NOL4: variants seen among roughly 807,000 people sequenced by gnomAD.
NOL4 encodes nucleolar protein 4, also known as cancer/testis antigen 125.
NOL4 carries 17 observed loss-of-function variants against 75.9 expected under a neutral mutation model. The ratio of observed to expected loss-of-function variants is 0.22; its 90% CI spans 0.15 to 0.34. NOL4 has a LOEUF of 0.34. Ranked by LOEUF, NOL4 falls within the 10% of genes least tolerant of loss-of-function variation. The probability of loss-of-function intolerance (pLI) is 1.00; values close to 1 mark genes in which losing one functional copy is unlikely to be tolerated. For synonymous variants in NOL4, 292 were observed against 289.9 expected (o/e 1.01, Z -0.07); for missense variants, 614 against 793.5 (o/e 0.77, Z 2.72).
At chr18:33,999,894 C>A (rs2073572602) in intron 6 of NOL4, among the ~76,000 whole-genome samples, 1 of 152,002 alleles carries the variant, frequency 6.6e-6, no homozygotes, top group Non-Finnish European at 1.5e-5. Flanking sequence ...CCTCGTAATC[C>A]ACCTGCCTCG....
At chr18:34,183,426 A>G (rs1047521302) in intron 1 of NOL4, 4 of 151,932 alleles carry the variant, frequency 2.6e-5, no homozygotes, top group African/African-American at 9.7e-5. Context: ...GACACACTAT[A>G]CGTTGCTAGT....
chr18:34,076,219 T>C (rs1397224963), intron 5 of NOL4, among the ~76,000 whole-genome samples: 1 of 152,152 alleles, frequency 6.6e-6, no homozygotes, highest in African/African-American at 2.4e-5. Context: ...AGCTTCCCAC[T>C]AGCAAAGTTG....
chr18:34,113,905 T>A (rs961486467), intron 2 of NOL4, among the ~76,000 whole-genome samples: 1 of 152,180 alleles, frequency 6.6e-6, no homozygotes, highest in Non-Finnish European at 1.5e-5. Flanking sequence ...TTTGAAATGT[T>A]AAATCAATTT....
At chr18:34,138,212 G>A (rs970996452) in intron 1 of NOL4, among the ~76,000 whole-genome samples, 1 of 152,038 alleles carries the variant, frequency 6.6e-6, no homozygotes, top group African/African-American at 2.4e-5. Flanking sequence ...AAGAGTTTTA[G>A]ACATAGTGAG....
chr18:34,047,435 C>T (rs757267090), intron 5 of NOL4, among the ~76,000 whole-genome samples: 22 of 152,034 alleles, frequency 1.4e-4, no homozygotes, highest in South Asian at 2.1e-4. Flanking sequence ...TCATGTATCA[C>T]GGATGTAGCC....
At chr18:34,094,882 G>A (rs965061857) in intron 4 of NOL4, among the ~76,000 whole-genome samples, 2 of 152,078 alleles carry the variant, frequency 1.3e-5, no homozygotes, top group African/African-American at 4.8e-5. Flanking sequence ...TACTAGAACC[G>A]GTAGTCATAT....
At chr18:33,934,716 A>G (rs1451878834) in intron 9 of NOL4, among the ~76,000 whole-genome samples, 2 of 152,128 alleles carry the variant, frequency 1.3e-5, no homozygotes, top group Non-Finnish European at 2.9e-5. Flanking sequence ...ATAGAATTGA[A>G]GAGAGTTAGG....
At chr18:34,004,367 C>T (rs1001077171) in intron 6 of NOL4, among the ~76,000 whole-genome samples, 5 of 152,060 alleles carry the variant, frequency 3.3e-5, no homozygotes, top group African/African-American at 1.2e-4. Flanking sequence ...AAATAAATCT[C>T]TTCAAATATT....
At chr18:33,969,660 T>C (rs2070884719) in intron 6 of NOL4, among the ~76,000 whole-genome samples, 1 of 152,054 alleles carries the variant, frequency 6.6e-6, no homozygotes. Flanking sequence ...TACCATTTTG[T>C]ATATGCTTTC....
intron 5 of NOL4, among the ~76,000 whole-genome samples, chr18:34,052,489 CAT>C (rs1359379732): frequency 3.9e-5 from 6 of 151,956 alleles, no homozygotes; most frequent in African/African-American, 1.4e-4. Context: ...TAAACACAAA[CAT>C]AGAGGAAAAC....
intron 1 of NOL4, among the ~76,000 whole-genome samples, chr18:34,133,516 T>C (rs906011056): frequency 6.6e-6 from 1 of 151,918 alleles, no homozygotes. Flanking sequence ...AAAGACAGTA[T>C]AATTGCATAT....
At chr18:33,984,505 T>C (rs1169006082) in intron 6 of NOL4, among the ~76,000 whole-genome samples, 1 of 152,064 alleles carries the variant, frequency 6.6e-6, no homozygotes, top group East Asian at 1.9e-4. Flanking sequence ...TGGTTTCTCA[T>C]GGTTTAACAC....
chr18:34,066,067 G>C (rs1001730020), intron 5 of NOL4, among the ~76,000 whole-genome samples: 1 of 151,836 alleles, frequency 6.6e-6, no homozygotes, highest in Non-Finnish European at 1.5e-5. Flanking sequence ...AGGTTCACAG[G>C]ATTGATTTGA....
chr18:33,959,611 A>T (rs1203407183), intron 6 of NOL4, among the ~76,000 whole-genome samples: 1 of 152,088 alleles, frequency 6.6e-6, no homozygotes, highest in Admixed American at 6.6e-5. Flanking sequence ...TTCTCTATTT[A>T]TTTCTGTTTC....
intron 9 of NOL4, among the ~76,000 whole-genome samples, chr18:33,942,179 GAACT>G (rs1211986707): frequency 6.6e-6 from 1 of 151,876 alleles, no homozygotes; most frequent in Non-Finnish European, 1.5e-5. Flanking sequence ...AATCAAAATT[GAACT>G]AACTTACTTT....
intron 6 of NOL4, among the ~76,000 whole-genome samples, chr18:34,006,723 G>C (rs2074049011): frequency 6.6e-6 from 1 of 152,018 alleles, no homozygotes; most frequent in Non-Finnish European, 1.5e-5. Context: ...GGCCTATCCT[G>C]ATAGAATTCA....
intron 6 of NOL4, among the ~76,000 whole-genome samples, chr18:33,983,043 C>T (rs1284656538): frequency 6.6e-6 from 1 of 151,924 alleles, no homozygotes; most frequent in African/African-American, 2.4e-5. Context: ...TGCCACTGTG[C>T]CCAGCCCAAG....
chr18:33,891,723 T>C (rs2065107447), intron 9 of NOL4, among the ~76,000 whole-genome samples: 1 of 152,194 alleles, frequency 6.6e-6, no homozygotes, highest in Non-Finnish European at 1.5e-5. Flanking sequence ...TGCCACAGTA[T>C]TTTCTCTTTG....
intron 9 of NOL4, among the ~76,000 whole-genome samples, chr18:33,919,570 T>C (rs1398579772): frequency 6.6e-6 from 1 of 152,202 alleles, no homozygotes; most frequent in African/African-American, 2.4e-5. Context: ...ACAAAAGACA[T>C]GTATAGATTA....
Sources: gnomAD v4.1 joint callset for allele counts (sites outside exome capture counted in the v4.1 genomes callset) on GRCh38, gnomAD v4.1.1 for gene constraint, MANE v1.5 for transcripts, NCBI Gene and HGNC (gene_info 2026-07-23, HGNC 2026-07-21) for gene names.